Variants in EPB41L2 observed in about 807,000 individuals in gnomAD.
The protein encoded by EPB41L2 is erythrocyte membrane protein band 4.1 like 2.
A neutral mutation model predicts 113.0 loss-of-function variants in EPB41L2; 43 were observed. The ratio of observed to expected loss-of-function variants is 0.38; its 90% CI spans 0.30 to 0.49. The LOEUF is 0.49. EPB41L2 is among the 20% of genes least tolerant of loss of function. The pLI is 0.95. For missense variants in EPB41L2, 1,147 were observed against 1,223.4 expected, an observed-to-expected ratio of 0.94 and a Z score of 0.93; for synonymous variants, 442 against 436.7, an observed-to-expected ratio of 1.01 and a Z score of -0.15.
At chr6:130,942,048 C>T (rs778724175) in intron 3 of EPB41L2, among the ~76,000 whole-genome samples, 16 of 152,150 alleles carry the variant, frequency 1.1e-4, no homozygotes, top group Non-Finnish European at 1.9e-4. Context: ...GAATAATCCA[C>T]GGATTTTTAC....
intron 1 of EPB41L2, among the ~76,000 whole-genome samples, chr6:131,046,623 C>T (rs898247147): frequency 6.6e-6 from 1 of 152,272 alleles, no homozygotes; most frequent in South Asian, 2.1e-4. Context: ...CCTTTCGATG[C>T]TACTGTGAAC....
In EPB41L2 at chr6:130,947,017, A is replaced by ACCC. The variant is rs58960778; in HGVS notation, c.705+8085_705+8087dup. ...ATAAGCAATGCACTGAATAAAGAAG[A>ACCC]CCCCCCCCCCAGCCCCTTAAATTAC... On this transcript the variant is annotated intron_variant, in intron 3 of 19. Transcript: ENST00000337057. 2.9e-3 allele frequency among the ~76,000 whole-genome samples: 327 copies of ACCC among 112,022 alleles called. 3 individuals are homozygous for ACCC. The highest frequency in any genetic ancestry group is 8.6e-3 in the African/African-American group (259 of 30,222). The allele number at this position is 112,022 out of a possible 152,430, so 73.5% of individuals were successfully genotyped here. A position where few individuals can be genotyped will look rare whatever the true frequency, so the allele number is the denominator to read the frequency against.
intron 1 of EPB41L2, among the ~76,000 whole-genome samples, chr6:130,967,578 G>A (rs1207018103): frequency 6.6e-6 from 1 of 152,080 alleles, no homozygotes; most frequent in Non-Finnish European, 1.5e-5. Context: ...AGAGTAAACA[G>A]AATGGGAAGA....
intron 4 of EPB41L2, among the ~76,000 whole-genome samples, chr6:130,915,217 G>A (rs968971833): frequency 2.1e-4 from 32 of 151,770 alleles, no homozygotes; most frequent in Middle Eastern, 3.4e-3. Flanking sequence ...GCAGGAGAAT[G>A]GCGTGAACCC....
chr6:131,025,421 C>A (rs984274012), intron 1 of EPB41L2, among the ~76,000 whole-genome samples: 1 of 152,104 alleles, frequency 6.6e-6, no homozygotes, highest in Admixed American at 6.5e-5. Context: ...CAGATTTGAT[C>A]GAGATCAGAC....
chr6:130,911,402 G>A (rs1799353250), intron 4 of EPB41L2, among the ~76,000 whole-genome samples: 1 of 152,088 alleles, frequency 6.6e-6, no homozygotes, highest in African/African-American at 2.4e-5. Flanking sequence ...ACAGCATTAG[G>A]AGAAATACTT....
At chr6:130,992,472 C>A (rs66491359) in intron 1 of EPB41L2, among the ~76,000 whole-genome samples, 21,845 of 151,986 alleles carry the variant, frequency 0.14, 1,633 homozygotes, top group Admixed American at 0.16. Context: ...AATAATTGCA[C>A]CTAATTCATT....
chr6:131,054,212 T>C (rs1450610548), intron 1 of EPB41L2, among the ~76,000 whole-genome samples: 1 of 152,202 alleles, frequency 6.6e-6, no homozygotes, highest in African/African-American at 2.4e-5. Flanking sequence ...CACAGTTTGT[T>C]CATCTCCTTA....
At chr6:131,042,113 G>A (rs1278739496) in intron 1 of EPB41L2, among the ~76,000 whole-genome samples, 1 of 152,124 alleles carries the variant, frequency 6.6e-6, no homozygotes, top group Non-Finnish European at 1.5e-5. Context: ...TGGAAGGCGG[G>A]TACGTGGGGA....
chr6:130,966,342 A>G (rs931989090), intron 1 of EPB41L2, among the ~76,000 whole-genome samples: 2 of 152,250 alleles, frequency 1.3e-5, no homozygotes, highest in African/African-American at 4.8e-5. Flanking sequence ...ACTTGGGATA[A>G]TAACTCCAAT....
At position 130,978,264 on chromosome 6, in the gene EPB41L2, T is replaced by C. The variant is rs938078369; in HGVS notation, c.-14-21765A>G. ...GGGGAAACATTAAGGTGTATTGTAA[T>C]AAGCAATGCCCAGCTACAAACCCAG... On this transcript the variant is annotated intron_variant, in intron 1 of 19. Coordinates refer to ENST00000337057, the MANE Select transcript of EPB41L2 (RefSeq NM_001431.4). 4.6e-5 allele frequency among the ~76,000 whole-genome samples: 7 copies of C among 152,354 alleles called. 1 individual carries two copies. The East Asian group carries it at 9.6e-4, about 21-fold the overall frequency.
intron 1 of EPB41L2, among the ~76,000 whole-genome samples, chr6:130,995,732 T>C (rs569170641): frequency 6.6e-6 from 1 of 152,316 alleles, no homozygotes; most frequent in Non-Finnish European, 1.5e-5. Context: ...TTAGCTGCCA[T>C]AGCTAACTTT....
intron 1 of EPB41L2, among the ~76,000 whole-genome samples, chr6:131,006,023 A>C (rs1193342008): frequency 2.0e-5 from 3 of 151,982 alleles, no homozygotes; most frequent in East Asian, 1.9e-4. Flanking sequence ...CTTTCCCAAA[A>C]AGAAGTCCTT....
intron 6 of EPB41L2, 74 bp from the exon 7 acceptor site, chr6:130,901,254 A>C (rs1167467287): frequency 1.5e-5 from 20 of 1,320,266 alleles, no homozygotes; most frequent in Non-Finnish European, 1.9e-5. Context: ...AGTCCTTAAA[A>C]GCTAGTACCC....
At chr6:130,951,307 C>A (rs1814934386) in intron 3 of EPB41L2, among the ~76,000 whole-genome samples, 1 of 124,606 alleles carries the variant, frequency 8.0e-6, no homozygotes, top group Middle Eastern at 4.7e-3. Context: ...TGCTCAGCCT[C>A]AGTACTTTTT....
chr6:130,987,180 A>G (rs188998482), intron 1 of EPB41L2, among the ~76,000 whole-genome samples: 1 of 152,288 alleles, frequency 6.6e-6, no homozygotes, highest in African/African-American at 2.4e-5. Flanking sequence ...AATAGCCACT[A>G]TGAACATCCG....
intron 14 of EPB41L2, among the ~76,000 whole-genome samples, chr6:130,872,869 A>G (rs962734212): frequency 2.0e-5 from 3 of 152,052 alleles, no homozygotes; most frequent in Admixed American, 2.0e-4. Flanking sequence ...CTCTGCACGG[A>G]ATGGCCTCTT....
At chr6:131,060,995 T>C (rs1338378771) in intron 1 of EPB41L2, among the ~76,000 whole-genome samples, 1 of 152,228 alleles carries the variant, frequency 6.6e-6, no homozygotes, top group East Asian at 1.9e-4. Flanking sequence ...TTTAATCTTT[T>C]TTAAGGATCA....
intron 1 of EPB41L2, among the ~76,000 whole-genome samples, chr6:130,986,733 G>A (rs915417728): frequency 2.0e-5 from 3 of 152,010 alleles, no homozygotes; most frequent in African/African-American, 4.8e-5. Flanking sequence ...TTATAGGCAC[G>A]TGCCACCACA....
Sources: gnomAD v4.1 joint callset for allele counts (sites outside exome capture counted in the v4.1 genomes callset) on GRCh38, gnomAD v4.1.1 for gene constraint, MANE v1.5 for transcripts, NCBI Gene and HGNC (gene_info 2026-07-23, HGNC 2026-07-21) for gene names.